Variants in DOCK3 observed in about 807,000 individuals in gnomAD.
DOCK3 encodes the protein dedicator of cytokinesis 3.
In DOCK3, 60 loss-of-function variants were observed where a neutral mutation model predicts 265.6. The ratio of observed to expected loss-of-function variants is 0.23; its 90% CI spans 0.18 to 0.28. The LOEUF is 0.28. Ranked by LOEUF, DOCK3 falls within the 10% of genes least tolerant of loss-of-function variation. The pLI is 1.00. For synonymous variants in DOCK3, 881 were observed against 938.0 expected (o/e 0.94, Z 1.11); for missense variants, 1,981 against 2,594.3 (o/e 0.76, Z 5.14).
intron 32 of DOCK3, among the ~76,000 whole-genome samples, chr3:51,327,381 C>T: frequency 6.6e-6 from 1 of 152,226 alleles, no homozygotes; most frequent in East Asian, 1.9e-4. Flanking sequence ...AGGTAAATAT[C>T]AGAACTATGC....
intron 12 of DOCK3, 132 bp downstream of exon 12, chr3:51,160,834 T>C (rs888962413): frequency 3.5e-6 from 4 of 1,157,008 alleles, no homozygotes; most frequent in African/African-American, 1.6e-5. Context: ...CCCAACACTT[T>C]GGGAGGCCAA....
rs533631605 is a variant in DOCK3 at position 51,100,489 on chromosome 3, A to G, written c.746+10105A>G. Among the ~76,000 whole-genome samples, 9 of 152,306 alleles carry G rather than the reference A, an allele frequency of 5.9e-5. No homozygotes were observed. In the South Asian group the frequency reaches 1.7e-3, roughly 28 times the overall value. ...GCAGGAAATGGGAATCTCAAATTCT[A>G]TGTATGAGCTCTACCCATGTCACTG... On this transcript the variant is annotated intron_variant, in intron 9 of 52. Transcript: ENST00000266037.
At position 51,256,594 on chromosome 3, in the gene DOCK3, T is replaced by G. The variant is rs1188124901; in HGVS notation, c.2185-3562T>G. ...CGAAGAGCTTGAGTTTTCGTTTTTG[T>G]TTTTTTTTTTTTTTTTTAGATGGAG... On this transcript the variant is annotated intron_variant, in intron 22 of 52. Transcript: ENST00000266037. Among the ~76,000 whole-genome samples, 14 of 95,482 alleles carry G rather than the reference T, an allele frequency of 1.5e-4. No homozygotes were observed. The Middle Eastern group carries it at 0.016, about 108-fold the overall frequency. 62.6% of individuals were successfully genotyped at this position (95,482 alleles called of 152,430 possible).
intron 1 of DOCK3, among the ~76,000 whole-genome samples, chr3:50,688,984 A>C (rs1331253860): frequency 3.3e-5 from 5 of 152,178 alleles, no homozygotes; most frequent in African/African-American, 4.8e-5. Context: ...TAAATAAAAT[A>C]ATGCGTGGGC....
At chr3:51,247,784 G>A (rs1396988338) in intron 22 of DOCK3, among the ~76,000 whole-genome samples, 5 of 152,180 alleles carry the variant, frequency 3.3e-5, no homozygotes, top group Admixed American at 1.3e-4. Flanking sequence ...CCATCTTCTT[G>A]AAGAACATAT....
intron 5 of DOCK3, among the ~76,000 whole-genome samples, chr3:51,054,766 T>A (rs571666546): frequency 6.6e-6 from 1 of 152,334 alleles, no homozygotes; most frequent in South Asian, 2.1e-4. Context: ...GCTTTTAACT[T>A]CCAAAAGCCC....
chr3:50,748,884 G>A (rs2039614099), intron 1 of DOCK3, among the ~76,000 whole-genome samples: 1 of 152,166 alleles, frequency 6.6e-6, no homozygotes, highest in African/African-American at 2.4e-5. Context: ...TGATTCTCAA[G>A]GAGTGTTATG....
chr3:50,679,059 C>T (rs1195532540), intron 1 of DOCK3, among the ~76,000 whole-genome samples: 1 of 152,204 alleles, frequency 6.6e-6, no homozygotes, highest in Non-Finnish European at 1.5e-5. Context: ...GTGATCCGCT[C>T]GCCTCGGCCT....
At chr3:51,197,871 A>T (rs928468076) in intron 12 of DOCK3, among the ~76,000 whole-genome samples, 2 of 152,182 alleles carry the variant, frequency 1.3e-5, no homozygotes, top group African/African-American at 4.8e-5. Context: ...TGGCCCTGGC[A>T]GGGGTAGCCC....
At chr3:51,078,325 A>T (rs940121445) in intron 7 of DOCK3, among the ~76,000 whole-genome samples, 2 of 152,226 alleles carry the variant, frequency 1.3e-5, no homozygotes, top group African/African-American at 4.8e-5. Flanking sequence ...AAAATAAAGT[A>T]ACAGTAGGAG....
At chr3:51,237,697 A>C in intron 21 of DOCK3, 107 bp downstream of exon 21, 2 of 952,628 alleles carry the variant, frequency 2.1e-6, no homozygotes, top group Admixed American at 2.6e-5. Context: ...TGACTTTTTA[A>C]AAATTTTATA....
At chr3:51,001,058 T>G (rs2078467546) in intron 5 of DOCK3, among the ~76,000 whole-genome samples, 1 of 152,260 alleles carries the variant, frequency 6.6e-6, no homozygotes, top group Non-Finnish European at 1.5e-5. Flanking sequence ...TGGGAAACTT[T>G]TGGATTGCTC....
chr3:51,169,291 G>A (rs1275476918), intron 12 of DOCK3, among the ~76,000 whole-genome samples: 1 of 152,146 alleles, frequency 6.6e-6, no homozygotes, highest in Non-Finnish European at 1.5e-5. Flanking sequence ...GCACATGTAT[G>A]TTCATTGTAG....
chr3:50,831,185 TTTTA>T (rs3043409), intron 2 of DOCK3, among the ~76,000 whole-genome samples: 4,513 of 71,928 alleles, frequency 0.063, 158 homozygotes, highest in African/African-American at 0.19. Context: ...CTGCAACCTG[TTTTA>T]TTTATTTATT....
chr3:50,801,090 A>G (rs1020271413), intron 2 of DOCK3, among the ~76,000 whole-genome samples: 17 of 152,192 alleles, frequency 1.1e-4, no homozygotes, highest in African/African-American at 3.9e-4. Context: ...GTGCTTGAAT[A>G]TAAAATTTTC....
At chr3:50,805,661 A>G (rs1253387512) in intron 2 of DOCK3, among the ~76,000 whole-genome samples, 1 of 152,164 alleles carries the variant, frequency 6.6e-6, no homozygotes, top group Non-Finnish European at 1.5e-5. Flanking sequence ...GGTGCAGCCC[A>G]CAGGGCCTGT....
intron 22 of DOCK3, among the ~76,000 whole-genome samples, chr3:51,254,120 A>C (rs1280826530): frequency 6.6e-6 from 1 of 152,106 alleles, no homozygotes; most frequent in Non-Finnish European, 1.5e-5. Context: ...TCATTTTGTT[A>C]TGTACCCAGT....
intron 23 of DOCK3, among the ~76,000 whole-genome samples, chr3:51,269,030 T>A (rs1328288804): frequency 6.6e-6 from 1 of 151,738 alleles, no homozygotes; most frequent in South Asian, 2.1e-4. Context: ...TGGTCTCGGC[T>A]AAGACCTGTG....
intron 1 of DOCK3, among the ~76,000 whole-genome samples, chr3:50,768,889 C>T (rs1455464289): frequency 2.6e-5 from 4 of 152,122 alleles, no homozygotes; most frequent in African/African-American, 9.7e-5. Context: ...ATGAGAGTTT[C>T]CTTTCTCTTC....
Sources: gnomAD v4.1 joint callset for allele counts (sites outside exome capture counted in the v4.1 genomes callset) on GRCh38, gnomAD v4.1.1 for gene constraint, MANE v1.5 for transcripts, NCBI Gene and HGNC (gene_info 2026-07-23, HGNC 2026-07-21) for gene names.